Variants in OR9Q1 observed in about 807,000 individuals in gnomAD.
The protein encoded by OR9Q1 is olfactory receptor 9Q1.
For synonymous variants in OR9Q1, 153 were observed against 148.6 expected (o/e 1.03, Z -0.22); for missense variants, 374 against 378.8 (o/e 0.99, Z 0.11).
rs1025211555 is a variant in OR9Q1, at chr11:58,034,100, T to A, written c.-93+9996T>A. On this transcript the variant is annotated intron_variant, in intron 1 of 2. Coordinates refer to ENST00000335397, the MANE Select transcript of OR9Q1 (RefSeq NM_001005212.4). The stretch of plus-strand genomic sequence containing the variant: ...TTTTTTTTTTTTTTTTTTTTTTTTT[T>A]AGACAGAGTCTTGCTCTGTCGGCCA... Among the ~76,000 whole-genome samples the A allele has an allele frequency of 6.2e-4, 64 of 103,350 alleles. 1 individual carries two copies. The highest frequency in any genetic ancestry group is 1.6e-3 in the African/African-American group (45 of 28,872). 67.8% of individuals were successfully genotyped at this position (103,350 alleles called of 152,430 possible).
At chr11:58,135,170 A>G (rs1208636044) in intron 2 of OR9Q1, among the ~76,000 whole-genome samples, 1 of 152,206 alleles carries the variant, frequency 6.6e-6, no homozygotes, top group East Asian at 1.9e-4. Context: ...GGGCTCCTTG[A>G]GACCATGCTG....
chr11:58,119,419 A>G, intron 2 of OR9Q1: 1 of 1,610,758 alleles, frequency 6.2e-7, no homozygotes, highest in Non-Finnish European at 8.5e-7. Context: ...GAATTCGGTT[A>G]CTCTGGTGAG....
chr11:58,037,903 T>G (rs1853124226), intron 1 of OR9Q1, among the ~76,000 whole-genome samples: 1 of 145,400 alleles, frequency 6.9e-6, no homozygotes, highest in African/African-American at 2.5e-5. Flanking sequence ...TGTTTTTTTT[T>G]TTTTTTTTTA....
intron 1 of OR9Q1, among the ~76,000 whole-genome samples, chr11:58,048,679 A>AAATATATAT (rs745596668): frequency 9.1e-4 from 119 of 131,410 alleles, no homozygotes; most frequent in Middle Eastern, 3.8e-3. Context: ...TAAAAAAAAA[A>AAATATATAT]ATATATATAT....
At chr11:58,027,328 G>A (rs983857401) in intron 1 of OR9Q1, among the ~76,000 whole-genome samples, 1 of 152,202 alleles carries the variant, frequency 6.6e-6, no homozygotes, top group Non-Finnish European at 1.5e-5. Context: ...ACACAGTAAA[G>A]TGGTGTTCTT....
intron 2 of OR9Q1, among the ~76,000 whole-genome samples, chr11:58,110,803 T>C (rs900760481): frequency 6.6e-6 from 1 of 152,204 alleles, no homozygotes; most frequent in Admixed American, 6.5e-5. Context: ...GGCTGATTAT[T>C]CCCTTTCTGG....
chr11:58,073,087 C>G (rs772312239), intron 2 of OR9Q1: 2 of 207,228 alleles, frequency 9.7e-6, no homozygotes, highest in African/African-American at 4.7e-5. Flanking sequence ...ACATATGCAT[C>G]GAAATGAGCA....
chr11:58,162,353 T>C (rs1854465050), intron 2 of OR9Q1, among the ~76,000 whole-genome samples: 1 of 152,244 alleles, frequency 6.6e-6, no homozygotes, highest in Admixed American at 6.5e-5. Context: ...GTTTTCACAG[T>C]GTTGAAACTC....
intron 2 of OR9Q1, among the ~76,000 whole-genome samples, chr11:58,062,551 T>A (rs1353837402): frequency 1.3e-5 from 2 of 152,104 alleles, no homozygotes. Context: ...TAGGTCTAGA[T>A]CCCCTAAAAA....
At chr11:58,033,886 T>G (rs1405255049) in intron 1 of OR9Q1, among the ~76,000 whole-genome samples, 1 of 152,132 alleles carries the variant, frequency 6.6e-6, no homozygotes, top group South Asian at 2.1e-4. Context: ...CAAGAGAGAC[T>G]TAACTATAGT....
rs1485698799 is a variant in OR9Q1 at position 58,105,865 on chromosome 11, G to A, written c.-15+49918G>A. Among the ~76,000 whole-genome samples, 3 of 152,174 alleles carry A rather than the reference G, an allele frequency of 2.0e-5. No homozygotes were observed. In the East Asian group the frequency reaches 5.8e-4, roughly 29 times the overall value. ...ATACCACATTTGGTTTACCCATTCT[G>A]TTGATGGATGCTTGGATTGTTTCCA... On this transcript the variant is annotated intron_variant, in intron 2 of 2. Transcript: ENST00000335397.
intron 2 of OR9Q1, among the ~76,000 whole-genome samples, chr11:58,152,871 T>C (rs1197865099): frequency 6.6e-6 from 1 of 152,238 alleles, no homozygotes; most frequent in African/African-American, 2.4e-5. Flanking sequence ...GAATTTATTT[T>C]GCACGCATGA....
At chr11:58,047,824 C>T (rs1044183052) in intron 1 of OR9Q1, among the ~76,000 whole-genome samples, 13 of 152,046 alleles carry the variant, frequency 8.6e-5, no homozygotes, top group Non-Finnish European at 1.3e-4. Context: ...GCGGAGGTTG[C>T]GGTGAGCCAA....
chr11:58,177,350 G>T (rs1032924231), intron 2 of OR9Q1, among the ~76,000 whole-genome samples: 1 of 152,140 alleles, frequency 6.6e-6, no homozygotes, highest in African/African-American at 2.4e-5. Flanking sequence ...TCTAATGGCC[G>T]TTCCACCACT....
chr11:58,074,280 G>A (rs1853517641), intron 2 of OR9Q1, among the ~76,000 whole-genome samples: 1 of 152,024 alleles, frequency 6.6e-6, no homozygotes, highest in African/African-American at 2.4e-5. Flanking sequence ...GTTGTTTCCT[G>A]ACTTTTTAAT....
intron 2 of OR9Q1, among the ~76,000 whole-genome samples, chr11:58,058,639 G>A (rs1486948403): frequency 6.6e-6 from 1 of 152,184 alleles, no homozygotes; most frequent in Non-Finnish European, 1.5e-5. Context: ...GAAAATGGTA[G>A]CAGTCACAGA....
intron 1 of OR9Q1, chr11:58,030,916 A>G: frequency 3.1e-6 from 4 of 1,302,518 alleles, no homozygotes; most frequent in Non-Finnish European, 4.4e-6. Context: ...CTCATTGTCT[A>G]TGAGGCTATG....
intron 2 of OR9Q1, among the ~76,000 whole-genome samples, chr11:58,149,954 TTTCTA>T (rs1431705847): frequency 6.6e-6 from 1 of 152,222 alleles, no homozygotes; most frequent in Non-Finnish European, 1.5e-5. Flanking sequence ...AAGTCCCTGT[TTTCTA>T]TTCTTTTGCA....
chr11:58,109,095 G>C, intron 2 of OR9Q1: 1 of 489,310 alleles, frequency 2.0e-6, no homozygotes, highest in South Asian at 1.5e-5. Context: ...TCATGCTGCT[G>C]CAGGCGAGCT....
Sources: gnomAD v4.1 joint callset for allele counts (sites outside exome capture counted in the v4.1 genomes callset) on GRCh38, gnomAD v4.1.1 for gene constraint, MANE v1.5 for transcripts, NCBI Gene and HGNC (gene_info 2026-07-23, HGNC 2026-07-21) for gene names.